Variants in DSCAML1 observed in about 807,000 individuals in gnomAD.
DSCAML1 encodes the protein cell adhesion molecule DSCAML1.
DSCAML1 carries 38 observed loss-of-function variants against 200.5 expected under a neutral mutation model. The ratio of observed to expected loss-of-function variants is 0.19; its 90% confidence interval spans 0.15 to 0.25. DSCAML1 has a LOEUF of 0.25. DSCAML1 is among the 10% of genes least tolerant of loss of function. The pLI is 1.00. For synonymous variants in DSCAML1, 1,215 were observed against 1,165.0 expected, an observed-to-expected ratio of 1.04 and a Z score of -0.87; for missense variants, 2,223 against 2,858.8, an observed-to-expected ratio of 0.78 and a Z score of 5.07.
chr11:117,471,480 A>G (rs1413494557), intron 15 of DSCAML1, among the ~76,000 whole-genome samples: 1 of 152,172 alleles, frequency 6.6e-6, no homozygotes, highest in Non-Finnish European at 1.5e-5. Flanking sequence ...CCTCTTCTGC[A>G]TTATTTTGTA....
chr11:117,455,855 G>A (rs1180954774), intron 19 of DSCAML1, among the ~76,000 whole-genome samples: 1 of 151,860 alleles, frequency 6.6e-6, no homozygotes, highest in African/African-American at 2.4e-5. Flanking sequence ...GGTTGTGGAG[G>A]ACAGGCAGAG....
chr11:117,704,711 T>A (rs1025985289), intron 3 of DSCAML1, among the ~76,000 whole-genome samples: 1 of 152,154 alleles, frequency 6.6e-6, no homozygotes, highest in Admixed American at 6.5e-5. Context: ...AAAAGGTAGG[T>A]GTCATGCACA....
chr11:117,599,710 G>A (rs1591309075), intron 3 of DSCAML1, among the ~76,000 whole-genome samples: 1 of 152,228 alleles, frequency 6.6e-6, no homozygotes, highest in South Asian at 2.1e-4. Flanking sequence ...AGTAAGGGCT[G>A]CAGGACCCTG....
At chr11:117,809,508 T>A (rs978301410) in intron 1 of DSCAML1, among the ~76,000 whole-genome samples, 1 of 152,196 alleles carries the variant, frequency 6.6e-6, no homozygotes, top group East Asian at 1.9e-4. Context: ...GACAGGATGG[T>A]GGCGCCGCAG....
In DSCAML1 at chr11:117,463,364, CTTTT is replaced by C. The variant is rs540060838; in HGVS notation, c.3265+1574_3265+1577del. The stretch of plus-strand genomic sequence containing the variant: ...GGGAACTTATTAGAAATAATACATC[CTTTT>C]TTTTTTTTTTTTAGAGATGGGGTCT... On this transcript the variant is annotated intron_variant, in intron 17 of 32. Coordinates refer to ENST00000651296, the MANE Select transcript of DSCAML1 (RefSeq NM_020693.4). This position sits in a 1 kb window ranked among gnomAD's most constrained non-coding sequence, Gnocchi z 4.0. Among the ~76,000 whole-genome samples, 1 of 141,450 alleles carries C rather than the reference CTTTT, an allele frequency of 7.1e-6. No homozygotes were observed. Among genetic ancestry groups the C allele is most frequent in the Non-Finnish European group, 1.6e-5 (1 of 64,288 alleles). 92.8% of individuals were successfully genotyped at this position (141,450 alleles called of 152,430 possible).
rs182607137 is a variant in DSCAML1 at position 117,666,220 on chromosome 11, A to C, written c.511+110571T>G. Among the ~76,000 whole-genome samples, 3 of 152,310 alleles carry C rather than the reference A, an allele frequency of 2.0e-5. No individual in the cohort carries two copies. In the East Asian group the frequency reaches 5.8e-4, roughly 29 times the overall value. On this transcript the variant is annotated intron_variant, in intron 3 of 32. Coordinates refer to ENST00000651296, the MANE Select transcript of DSCAML1 (RefSeq NM_020693.4). The stretch of plus-strand genomic sequence containing the variant: ...CTTCCTACCAGTGGACCCTCGAGCC[A>C]GCCTCTTCAGCATCAATTTCCACAT...
intron 3 of DSCAML1, among the ~76,000 whole-genome samples, chr11:117,559,799 C>T (rs1296353666): frequency 6.6e-6 from 1 of 152,068 alleles, no homozygotes. Context: ...CAGAGAGACC[C>T]TCGCCCAGGG....
At chr11:117,479,306 G>T (rs2048860340) in intron 14 of DSCAML1, among the ~76,000 whole-genome samples, 1 of 152,258 alleles carries the variant, frequency 6.6e-6, no homozygotes, top group Non-Finnish European at 1.5e-5. Flanking sequence ...GAGGGAAGGA[G>T]ACTGAGGAAG....
intron 3 of DSCAML1, among the ~76,000 whole-genome samples, chr11:117,728,002 C>T (rs1385367550): frequency 6.6e-6 from 1 of 152,106 alleles, no homozygotes; most frequent in African/African-American, 2.4e-5. Flanking sequence ...GATTTGCTGT[C>T]CCTAAGAAAT....
Position 117,428,819 on chromosome 11 carries a change from C to T in DSCAML1, c.5687-16G>A. The stretch of plus-strand genomic sequence containing the variant: ...CAGTAGTCACCTGGAATCACAGAGG[C>T]AGAGGATGTTACAGAGAGTCATAGC... On this transcript the variant is annotated splice_polypyrimidine_tract_variant and intron_variant, in intron 32 of 32. Transcript: ENST00000651296. 2 of 1,575,548 alleles carry T rather than the reference C, an allele frequency of 1.3e-6. No individual in the cohort carries two copies. The highest frequency in any genetic ancestry group is 1.9e-4 in the Middle Eastern group (1 of 5,338).
Position 117,428,233 on chromosome 11 carries a change from G to T in DSCAML1, c.*95C>A. On this transcript the variant is annotated 3_prime_UTR_variant, in exon 33 of 33. Transcript: ENST00000651296. ...TTTTGTCGTTGGTTGGTTTTTGTCTGTCAGTTGAATATAAATAATGCAGAA... is the reference window on the plus strand; with the variant it reads ...TTTTGTCGTTGGTTGGTTTTTGTCTTTCAGTTGAATATAAATAATGCAGAA... The T allele has an allele frequency of 1.3e-6, 1 of 756,634 alleles. No individual in the cohort carries two copies. The highest frequency in any genetic ancestry group is 2.3e-6 in the Non-Finnish European group (1 of 442,220). 46.9% of individuals were successfully genotyped at this position (756,634 alleles called of 1,614,324 possible).
chr11:117,650,667 CTGTGTGTGTG>C lies in DSCAML1; in HGVS notation c.512-118155_512-118146del, dbSNP rs66966642. ...TTCTGTTTAAAGTGTGTGTGTCTAT[CTGTGTGTGTG>C]TGTGTGTGTGTGTGTGTGTGTGTGC... On this transcript the variant is annotated intron_variant, in intron 3 of 32. Coordinates refer to ENST00000651296, the MANE Select transcript of DSCAML1 (RefSeq NM_020693.4). Among the ~76,000 whole-genome samples, 11 of 143,530 alleles carry C rather than the reference CTGTGTGTGTG, an allele frequency of 7.7e-5. No individual in the cohort carries two copies. In the East Asian group the frequency reaches 8.3e-4, roughly 11 times the overall value. The allele number at this position is 143,530 out of a possible 152,430, so 94.2% of individuals were successfully genotyped here.
At chr11:117,432,773 AT>A (rs61065938) in intron 29 of DSCAML1, among the ~76,000 whole-genome samples, 20,076 of 138,324 alleles carry the variant, frequency 0.15, 1,372 homozygotes, top group Middle Eastern at 0.19. Flanking sequence ...ATGCCTGGCT[AT>A]TTTTTTTTTT....
intron 11 of DSCAML1, among the ~76,000 whole-genome samples, chr11:117,500,637 G>A (rs998099417): frequency 6.6e-6 from 1 of 152,156 alleles, no homozygotes; most frequent in Admixed American, 6.5e-5. Flanking sequence ...TGGCTCTAAA[G>A]TCTGTGCTTT....
chr11:117,587,607 G>A (rs941379029), intron 3 of DSCAML1, among the ~76,000 whole-genome samples: 3 of 152,166 alleles, frequency 2.0e-5, no homozygotes, highest in Non-Finnish European at 4.4e-5. Context: ...CTGCTGCCTG[G>A]AGCCCCCGCT....
At chr11:117,758,497 GT>G (rs2054737952) in intron 3 of DSCAML1, among the ~76,000 whole-genome samples, 1 of 151,740 alleles carries the variant, frequency 6.6e-6, no homozygotes, top group Non-Finnish European at 1.5e-5. Flanking sequence ...TGCCTCCCGG[GT>G]TCACGCCATT....
chr11:117,701,823 C>G (rs1388942267), intron 3 of DSCAML1, among the ~76,000 whole-genome samples: 1 of 152,214 alleles, frequency 6.6e-6, no homozygotes, highest in Non-Finnish European at 1.5e-5. Context: ...GCCTGGTGAC[C>G]TGGACGTCCT....
intron 3 of DSCAML1, among the ~76,000 whole-genome samples, chr11:117,567,777 C>T (rs1328302385): frequency 7.9e-5 from 12 of 152,070 alleles, no homozygotes; most frequent in Admixed American, 7.2e-4. Flanking sequence ...GATTCACAGC[C>T]GAATTCTATC....
chr11:117,430,635 G>A, intron 32 of DSCAML1, 87 bp downstream of exon 32: 2 of 1,440,190 alleles, frequency 1.4e-6, no homozygotes, highest in East Asian at 2.3e-5. Flanking sequence ...TGATCCTGGT[G>A]CTGGCAGAAC....
Sources: allele counts gnomAD v4.1 joint callset (sites outside exome capture counted in the v4.1 genomes callset), GRCh38; gene constraint gnomAD v4.1.1; non-coding constraint Gnocchi (gnomAD v3.1); transcripts MANE v1.5; gene names NCBI Gene and HGNC (gene_info 2026-07-23, HGNC 2026-07-21).